Variants in ITIH5 observed in about 807,000 individuals in gnomAD.
The protein encoded by ITIH5 is inter-alpha-trypsin inhibitor heavy chain H5.
ITIH5 carries 65 observed loss-of-function variants against 77.5 expected under a neutral mutation model. The observed-to-expected ratio is 0.84, with a 90% CI of 0.69 to 1.03. ITIH5 has a LOEUF of 1.03. Ranked by LOEUF, ITIH5 falls within the 50% of genes least tolerant of loss-of-function variation. The probability of loss-of-function intolerance (pLI) is 0.00; values close to 1 mark genes in which losing one functional copy is unlikely to be tolerated. For missense variants in ITIH5, 1,208 were observed against 1,213.1 expected (o/e 1.00, Z 0.06); for synonymous variants, 525 against 494.3 (o/e 1.06, Z -0.82).
At chr10:7,641,005 G>A in intron 3 of ITIH5, 150 bp from the exon 4 acceptor site, 1 of 685,848 alleles carries the variant, frequency 1.5e-6, no homozygotes, top group Non-Finnish European at 2.6e-6. Flanking sequence ...CACTACCTTT[G>A]AATCATTCAT....
chr10:7,603,888 T>C (rs1833068606), intron 7 of ITIH5, among the ~76,000 whole-genome samples: 1 of 152,234 alleles, frequency 6.6e-6, no homozygotes, highest in East Asian at 1.9e-4. Flanking sequence ...CGGCCTGATA[T>C]GGGTATTTTT....
At chr10:7,637,185 G>A (rs1833811632) in intron 5 of ITIH5, 43 bp downstream of exon 5, 2 of 1,576,382 alleles carry the variant, frequency 1.3e-6, no homozygotes, top group Non-Finnish European at 1.7e-6. Context: ...CCAGCTGGGT[G>A]TTTTCACCAC....
chr10:7,570,188 A>G (rs1832269555), intron 11 of ITIH5: 3 of 155,636 alleles, frequency 1.9e-5, no homozygotes, highest in Admixed American at 1.9e-4. Context: ...AATGGCACAG[A>G]TGCAGAGGAC....
chr10:7,624,834 C>T (rs11591992), intron 5 of ITIH5, among the ~76,000 whole-genome samples: 1,048 of 63,652 alleles, frequency 0.016, 2 homozygotes, highest in Non-Finnish European at 0.026. Context: ...TGTGTATATA[C>T]ATGTATATAC....
At chr10:7,654,080 C>A (rs1297462333) in intron 2 of ITIH5, among the ~76,000 whole-genome samples, 1 of 152,138 alleles carries the variant, frequency 6.6e-6, no homozygotes, top group African/African-American at 2.4e-5. Flanking sequence ...TCTCTTCAAC[C>A]CAGGAGGCAG....
In ITIH5 at chr10:7,560,520, G is replaced by C. The variant is rs1044976052; in HGVS notation, c.*2563C>G. The C allele has an allele frequency of 6.6e-6, 1 of 152,214 alleles. No homozygotes were observed. Among genetic ancestry groups the C allele is most frequent in the East Asian group, 1.9e-4 (1 of 5,196 alleles). The allele number at this position is 152,214 out of a possible 1,614,324, so 9.4% of individuals were successfully genotyped here. A position where few individuals can be genotyped will look rare whatever the true frequency, so the allele number is the denominator to read the frequency against. The stretch of plus-strand genomic sequence containing the variant: ...TCCCAACATCCCCTCCCTTTAGCCT[G>C]AAGTTGTAAAGCATTAAAAAGTCAA... On this transcript the variant is annotated 3_prime_UTR_variant, in exon 14 of 14. Coordinates refer to ENST00000397146, the MANE Select transcript of ITIH5 (RefSeq NM_030569.7).
rs956621713 is a variant in ITIH5 at position 7,645,250 on chromosome 10, TA to T, written c.136-3161del. Among the ~76,000 whole-genome samples, 441 of 149,652 alleles carry T rather than the reference TA, an allele frequency of 2.9e-3. 5 individuals carry two copies. Among genetic ancestry groups the T allele is most frequent in the African/African-American group, 9.8e-3 (402 of 40,952 alleles). ...AGTTCATTTAAGTAATGATCAAGTT[TA>T]AAAAAAAAATCTGAGTATTGTTGAA... On this transcript the variant is annotated intron_variant, in intron 2 of 13. Transcript: ENST00000397146.
chr10:7,651,777 T>A (rs1834104923), intron 2 of ITIH5, among the ~76,000 whole-genome samples: 2 of 152,118 alleles, frequency 1.3e-5, no homozygotes, highest in African/African-American at 4.8e-5. Flanking sequence ...TGCCCATTCC[T>A]TCCCATGAAA....
chr10:7,572,256 C>T (rs1367628683), intron 11 of ITIH5: 3 of 1,326,400 alleles, frequency 2.3e-6, no homozygotes, highest in African/African-American at 3.0e-5. Flanking sequence ...TCAAGACTTC[C>T]AGAGGATGAT....
At chr10:7,658,875 T>C (rs1354867109) in intron 1 of ITIH5, among the ~76,000 whole-genome samples, 2 of 152,112 alleles carry the variant, frequency 1.3e-5, no homozygotes, top group African/African-American at 2.4e-5. Context: ...TGTGTTGATG[T>C]TCATGCTGGA....
intron 5 of ITIH5, chr10:7,621,975 G>A (rs1184266389): frequency 6.6e-6 from 1 of 152,180 alleles, no homozygotes; most frequent in Admixed American, 6.5e-5. Context: ...CCTCCTTCGT[G>A]TTCTCTCCTT....
At chr10:7,660,839 G>A (rs1834265177) in intron 1 of ITIH5, among the ~76,000 whole-genome samples, 1 of 152,214 alleles carries the variant, frequency 6.6e-6, no homozygotes, top group Non-Finnish European at 1.5e-5. Context: ...AGATGTAAAG[G>A]CGAGGTTTGC....
intron 8 of ITIH5, among the ~76,000 whole-genome samples, chr10:7,581,215 G>A (rs949722713): frequency 6.6e-6 from 1 of 152,128 alleles, no homozygotes; most frequent in Non-Finnish European, 1.5e-5. Context: ...AGCCAAGATC[G>A]TGCCATTGCA....
rs746984634 is a variant in ITIH5, at chr10:7,637,420, C to A, written c.460G>T (p.Ala154Ser). The A allele has an allele frequency of 6.4e-5, 104 of 1,613,880 alleles. No individual in the cohort carries two copies. Among genetic ancestry groups the A allele is most frequent in the Non-Finnish European group, 8.4e-5 (99 of 1,179,878 alleles). The change falls in exon 5 of 14, where the codon GCC becomes TCC. Residue 154 changes from alanine (A) to serine (S), a missense_variant. Transcript: ENST00000397146. Reference sequence around the variant, plus strand: ...AGCTCCTCATAACTCAGGAAAAAGGCGGCTTTGTCCTTGCTGGGAATCACT... The same window carrying A: ...AGCTCCTCATAACTCAGGAAAAAGGAGGCTTTGTCCTTGCTGGGAATCACT... ...SAVIPSKDKA[A>S]FFLSYEELLQ... is the part of the protein sequence containing the mutation.
Position 7,559,721 on chromosome 10 carries a change from G to A in ITIH5, c.*3362C>T, listed in dbSNP as rs562445255. On this transcript the variant is annotated 3_prime_UTR_variant, in exon 14 of 14. Transcript: ENST00000397146. ...TTCTCACAGTTCTGGAGGCTGGGAG[G>A]TCCAAGATCAAGGTGCCAGCAGACA... The A allele has an allele frequency of 4.6e-6, 2 of 434,110 alleles. No individual in the cohort carries two copies. Among genetic ancestry groups the A allele is most frequent in the African/African-American group, 4.1e-5 (2 of 48,400 alleles). The allele number at this position is 434,110 out of a possible 1,614,324, so 26.9% of individuals were successfully genotyped here. A position where few individuals can be genotyped will look rare whatever the true frequency, so the allele number is the denominator to read the frequency against.
At chr10:7,637,865 A>T (rs150004208) in intron 4 of ITIH5, among the ~76,000 whole-genome samples, 2 of 152,232 alleles carry the variant, frequency 1.3e-5, no homozygotes, top group Non-Finnish European at 2.9e-5. Flanking sequence ...GGCATTTTAC[A>T]TAACTTTAAA....
chr10:7,564,012 C>A (rs1456950768), intron 13 of ITIH5, among the ~76,000 whole-genome samples: 1 of 152,284 alleles, frequency 6.6e-6, no homozygotes, highest in Admixed American at 6.5e-5. Context: ...AAGGGGCCCA[C>A]ATGAAATTAC....
intron 6 of ITIH5, 95 bp downstream of exon 6, chr10:7,617,018 G>T: frequency 2.7e-6 from 2 of 742,922 alleles, no homozygotes; most frequent in Non-Finnish European, 4.0e-6. Context: ...GAAGCAGAAA[G>T]TTCTCTCTCC....
In ITIH5 at chr10:7,585,888, G is replaced by T; in HGVS notation, c.1108+13C>A. The T allele has an allele frequency of 6.3e-7, 1 of 1,583,284 alleles. No homozygotes were observed. On this transcript the variant is annotated intron_variant, in intron 8 of 13. Transcript: ENST00000397146. ...AAAGCCAAGCCAATGTGAAAAGAAG[G>T]TGTCATCTTTACCTCCAGTGGGTGA...
Sources: gnomAD v4.1 joint callset for allele counts (sites outside exome capture counted in the v4.1 genomes callset) on GRCh38, gnomAD v4.1.1 for gene constraint, MANE v1.5 for transcripts, NCBI Gene and HGNC (gene_info 2026-07-23, HGNC 2026-07-21) for gene names.